The following MACF1 variants were observed in gnomAD, a reference collection of about 807,000 sequenced individuals.
The protein encoded by MACF1 is microtubule-actin cross-linking factor 1.
A neutral mutation model predicts 854.8 loss-of-function variants in MACF1; 193 were observed. The ratio of observed to expected loss-of-function variants is 0.23; its 90% CI spans 0.20 to 0.25. The LOEUF (loss-of-function observed/expected upper bound fraction) is 0.25. Among genes scored for constraint, MACF1 ranks in the 10% least tolerant of loss-of-function variants. The pLI, the probability that MACF1 is intolerant of heterozygous loss-of-function variation, is 1.00. For synonymous variants in MACF1, 3,185 were observed against 3,226.7 expected, an observed-to-expected ratio of 0.99 and a Z score of 0.44; for missense variants, 7,722 against 8,929.1, an observed-to-expected ratio of 0.86 and a Z score of 5.45.
chr1:39,339,336 A>G (rs1646886606), intron 38 of MACF1, among the ~76,000 whole-genome samples: 1 of 152,226 alleles, frequency 6.6e-6, no homozygotes, highest in South Asian at 2.1e-4. Context: ...AAATAGATTG[A>G]AAAAGTCTAA....
At chr1:39,386,779 A>T (rs769424977) in intron 57 of MACF1, among the ~76,000 whole-genome samples, 2 of 151,932 alleles carry the variant, frequency 1.3e-5, no homozygotes, top group Non-Finnish European at 2.9e-5. Flanking sequence ...TGCCCAAGCT[A>T]GTCTTGAACT....
chr1:39,469,741 A>C, intron 97 of MACF1, 126 bp downstream of exon 97: 2 of 723,776 alleles, frequency 2.8e-6, no homozygotes, highest in South Asian at 1.7e-5. Flanking sequence ...AAATGGCCAA[A>C]CCATAGCTTT....
chr1:39,419,302 T>C (rs1643441923), intron 58 of MACF1, among the ~76,000 whole-genome samples: 1 of 152,238 alleles, frequency 6.6e-6, no homozygotes, highest in Non-Finnish European at 1.5e-5. Flanking sequence ...TAGCTAATGC[T>C]TCTATAGGAA....
At chr1:39,423,628 C>CT (rs1459878228) in intron 60 of MACF1, among the ~76,000 whole-genome samples, 1 of 114,350 alleles carries the variant, frequency 8.7e-6, no homozygotes, top group Non-Finnish European at 1.8e-5. Flanking sequence ...GAGCGAGACT[C>CT]TGTCTCAAAA....
rs1023996723 is a variant in MACF1 at position 39,292,125 on chromosome 1, G to A, written c.1914+87G>A. The stretch of plus-strand genomic sequence containing the variant: ...TACACACAATAAAGCTGTATTGAAG[G>A]AGGAGGGTGCTCTGGAAAAGAATAA... On this transcript the variant is annotated intron_variant, in intron 16 of 100. Transcript: ENST00000564288. 61 of 1,469,732 alleles carry A rather than the reference G, an allele frequency of 4.2e-5. No homozygotes were observed. In the Middle Eastern group the frequency reaches 5.4e-4, roughly 13 times the overall value. 91.0% of individuals were successfully genotyped at this position (1,469,732 alleles called of 1,614,324 possible).
chr1:39,477,959 C>CT (rs1272562353), intron 97 of MACF1, among the ~76,000 whole-genome samples: 10,870 of 125,966 alleles, frequency 0.086, 565 homozygotes, highest in Non-Finnish European at 0.14. Flanking sequence ...CCTCTTATAT[C>CT]TTTTTTTTTT....
chr1:39,104,975 G>A (rs1465569319), intron 2 of MACF1, among the ~76,000 whole-genome samples: 2 of 152,200 alleles, frequency 1.3e-5, no homozygotes, highest in African/African-American at 4.8e-5. Context: ...TCCAGCCAGG[G>A]AGAAACCCTC....
chr1:39,105,575 C>A lies in MACF1; in HGVS notation c.220+21137C>A. 8.5e-7 allele frequency: 1 copy of A among 1,178,292 alleles called. No individual in the cohort carries two copies. 73.0% of individuals were successfully genotyped at this position (1,178,292 alleles called of 1,614,324 possible). A position where few individuals can be genotyped will look rare whatever the true frequency, so the allele number is the denominator to read the frequency against. ...GCCGCCGCCGCCTCAGCGCGCGGGC[C>A]TGGAACCGGCAGCCCCCGGGGCTCG... On this transcript the variant is annotated intron_variant, in intron 2 of 93. Coordinates refer to the MACF1 transcript ENST00000361689. The surrounding 1 kb of genome is among the most constrained non-coding windows in gnomAD (Gnocchi z 5.9).
Position 39,448,149 on chromosome 1 carries a change from T to C in MACF1, c.20085T>C (p.His6695=). The change falls in exon 83 of 101, where the codon CAT becomes CAC. Residue 6695 remains histidine, a synonymous_variant. Coordinates refer to ENST00000564288, the MANE Select transcript of MACF1 (RefSeq NM_001394062.1). ...AAATTAAACTTCAGCTTTCTAAGCA[T>C]AAGGTAAAGCAGTTAATTGCTCTTA... ...PDKIKLQLSK[H]KEFQKTLGGK... 6.2e-7 allele frequency: 1 copy of C among 1,613,858 alleles called. No homozygotes were observed. The highest frequency in any genetic ancestry group is 2.2e-5 in the East Asian group (1 of 44,874).
intron 2 of MACF1, among the ~76,000 whole-genome samples, chr1:39,157,356 G>A (rs1157558160): frequency 6.6e-6 from 1 of 152,172 alleles, no homozygotes; most frequent in Non-Finnish European, 1.5e-5. Context: ...TTTTTACAAT[G>A]CTACTTACAC....
chr1:39,106,908 T>TC (rs1007341508), intron 2 of MACF1, among the ~76,000 whole-genome samples: 22 of 151,746 alleles, frequency 1.4e-4, no homozygotes, highest in Non-Finnish European at 7.4e-5. Context: ...TTTTGCTTGT[T>TC]CCCTCTGCAT....
intron 52 of MACF1, among the ~76,000 whole-genome samples, chr1:39,374,487 C>T (rs1457124504): frequency 1.3e-5 from 2 of 152,212 alleles, no homozygotes; most frequent in African/African-American, 2.4e-5. Flanking sequence ...TCAACCTCTA[C>T]GTTCAGTGAC....
rs1383623250 is a variant in MACF1 at position 39,479,926 on chromosome 1, C to T, written c.22087C>T (p.Arg7363Cys). 6 of 1,614,102 alleles carry T rather than the reference C, an allele frequency of 3.7e-6. No homozygotes were observed. The highest frequency in any genetic ancestry group is 2.2e-5 in the East Asian group (1 of 44,898). ...ATCTTCCCGGGCAGCTTCCCCTACT[C>T]GTTCCAGCTCCAGTGCTAGTCAGAG... ...KPSSRAASPT[R>C]SSSSASQSNH... Residue 7363 changes from arginine (R) to cysteine (C), a missense_variant, in exon 98 of 101, where the codon CGT becomes TGT. Physicochemically the swap from Arg to Cys is radical, Grantham distance 180 (BLOSUM62 -3). This residue lies in a region of MACF1 where 153 missense variants were observed against 342.5 expected (regional missense o/e 0.45). Transcript: ENST00000564288.
Position 39,336,660 on chromosome 1 carries a change from G to T in MACF1, c.10065+7G>T. 6.4e-7 allele frequency: 1 copy of T among 1,560,810 alleles called. No homozygotes were observed. Among genetic ancestry groups the T allele is most frequent in the South Asian group, 1.2e-5 (1 of 82,320 alleles). The stretch of plus-strand genomic sequence containing the variant: ...GCCCTTCAGAGCAACTCAGGTCAGT[G>T]GTGTGCTTTTTTTTTTTTCTTCCTA... On this transcript the variant is annotated splice_region_variant and intron_variant, in intron 37 of 100. Transcript: ENST00000564288.
At chr1:39,424,828 T>C (rs1643672366) in intron 61 of MACF1, among the ~76,000 whole-genome samples, 1 of 152,340 alleles carries the variant, frequency 6.6e-6, no homozygotes, top group South Asian at 2.1e-4. Flanking sequence ...AGTTTTAAAA[T>C]TAAATACCAG....
chr1:39,199,129 G>A (rs942783736), intron 2 of MACF1, among the ~76,000 whole-genome samples: 1 of 151,802 alleles, frequency 6.6e-6, no homozygotes, highest in Non-Finnish European at 1.5e-5. Flanking sequence ...GGGACTACAG[G>A]CGCCCACCAC....
intron 6 of MACF1, among the ~76,000 whole-genome samples, chr1:39,272,748 A>G (rs1475066971): frequency 6.6e-6 from 1 of 152,198 alleles, no homozygotes; most frequent in Non-Finnish European, 1.5e-5. Flanking sequence ...ATAGTAGAAT[A>G]TACATGATCT....
intron 58 of MACF1, chr1:39,410,603 C>G (rs1398802390): frequency 6.2e-7 from 1 of 1,613,994 alleles, no homozygotes; most frequent in East Asian, 2.2e-5. Flanking sequence ...AAGTCAGCAC[C>G]TGTGCCACCC....
At position 39,189,882 on chromosome 1, in the gene MACF1, T is replaced by A. The variant is rs114776977; in HGVS notation, c.221-41300T>A. On this transcript the variant is annotated intron_variant, in intron 2 of 93. Coordinates refer to the MACF1 transcript ENST00000361689. ...AGTAGCATAAGACTGGCTTTGTAATTTTTTTTGTTATTGATAACAATCAAC... is the reference window on the plus strand; with the variant it reads ...AGTAGCATAAGACTGGCTTTGTAATATTTTTTGTTATTGATAACAATCAAC... Among the ~76,000 whole-genome samples, 787 of 152,300 alleles carry A rather than the reference T, an allele frequency of 5.2e-3. 5 individuals are homozygous for A. Among genetic ancestry groups the A allele is most frequent in the African/African-American group, 0.018 (750 of 41,568 alleles).
Sources: allele counts gnomAD v4.1 joint callset (sites outside exome capture counted in the v4.1 genomes callset), GRCh38; gene constraint gnomAD v4.1.1; regional missense constraint gnomAD v4.1.1; non-coding constraint Gnocchi (gnomAD v3.1); transcripts MANE v1.5; gene names NCBI Gene and HGNC (gene_info 2026-07-23, HGNC 2026-07-21).